The following MDGA2 variants were observed in gnomAD, a reference collection of about 807,000 sequenced individuals.
MDGA2 encodes the protein MAM domain-containing glycosylphosphatidylinositol anchor protein 2.
MDGA2 carries 40 observed loss-of-function variants against 117.8 expected under a neutral mutation model. The ratio of observed to expected loss-of-function variants is 0.34; its 90% CI spans 0.26 to 0.44. The LOEUF is 0.44. MDGA2 is among the 20% of genes least tolerant of loss of function. The probability of loss-of-function intolerance (pLI) is 1.00; values close to 1 mark genes in which losing one functional copy is unlikely to be tolerated. For synonymous variants in MDGA2, 452 were observed against 439.0 expected (o/e 1.03, Z -0.37); for missense variants, 1,123 against 1,250.6 (o/e 0.90, Z 1.54).
chr14:47,441,243 G>T (rs542212105), intron 1 of MDGA2, among the ~76,000 whole-genome samples: 1 of 152,052 alleles, frequency 6.6e-6, no homozygotes, highest in African/African-American at 2.4e-5. Flanking sequence ...AACAAGGGCA[G>T]CTGGTCACGG....
At chr14:47,365,737 C>G (rs9323132) in intron 1 of MDGA2, among the ~76,000 whole-genome samples, 128,179 of 152,140 alleles carry the variant, frequency 0.84, 54,208 homozygotes, top group South Asian at 0.92. Flanking sequence ...GACATTAATA[C>G]GCAGTCTTAG....
chr14:47,389,524 T>C (rs1891840517), intron 1 of MDGA2, among the ~76,000 whole-genome samples: 1 of 151,898 alleles, frequency 6.6e-6, no homozygotes, highest in South Asian at 2.1e-4. Flanking sequence ...AGACAATAAA[T>C]AAATGAAAAA....
chr14:47,186,490 A>G (rs1566671566), intron 3 of MDGA2, among the ~76,000 whole-genome samples: 1 of 151,846 alleles, frequency 6.6e-6, no homozygotes. Context: ...GTAAAATCTA[A>G]CATTTATAGG....
rs1487591358 is a variant in MDGA2, at chr14:46,884,041, T to G, written c.2239-1820A>C. ...CTGGTGCTGATAATATGGCTTAAAA[T>G]TCTATTATTGGGGGTTATCTGTGGC... is the stretch of plus-strand genomic sequence containing the variant. On this transcript the variant is annotated intron_variant, in intron 10 of 16. Transcript: ENST00000399232. The surrounding 1 kb of genome is among the most constrained non-coding windows in gnomAD (Gnocchi z 4.1). 6.6e-6 allele frequency among the ~76,000 whole-genome samples: 1 copy of G among 152,094 alleles called. No homozygotes were observed. The highest frequency in any genetic ancestry group is 2.4e-5 in the African/African-American group (1 of 41,418).
chr14:46,845,021 A>C (rs1232801412), intron 16 of MDGA2, among the ~76,000 whole-genome samples: 2 of 152,128 alleles, frequency 1.3e-5, no homozygotes, highest in Non-Finnish European at 2.9e-5. Context: ...AGCTGGGACT[A>C]CAGGGACTAC....
At position 46,912,325 on chromosome 14, in the gene MDGA2, G is replaced by T. The variant is rs140090343; in HGVS notation, c.2238+7687C>A. Among the ~76,000 whole-genome samples, 877 of 152,130 alleles carry T rather than the reference G, an allele frequency of 5.8e-3. 13 individuals carry two copies. Among genetic ancestry groups the T allele is most frequent in the African/African-American group, 0.019 (787 of 41,484 alleles). On this transcript the variant is annotated intron_variant, in intron 10 of 16. Coordinates refer to ENST00000399232, the MANE Select transcript of MDGA2 (RefSeq NM_001113498.3). ...TACAAATACAAGATTTTTCTACCCT[G>T]CAGTTCGTTTTTGCTGGAAATTCTA...
intron 1 of MDGA2, among the ~76,000 whole-genome samples, chr14:47,461,308 G>A (rs1453092285): frequency 2.9e-5 from 1 of 34,692 alleles, no homozygotes; most frequent in African/African-American, 7.3e-5. Context: ...TATCTACTGT[G>A]AGATGGAAGC....
chr14:46,965,515 C>A (rs887689070), intron 8 of MDGA2, among the ~76,000 whole-genome samples: 2 of 152,078 alleles, frequency 1.3e-5, no homozygotes, highest in African/African-American at 4.8e-5. Context: ...AAAGACTGCC[C>A]ACACTACTTT....
Position 46,934,578 on chromosome 14 carries a change from G to A in MDGA2, c.2090-14418C>T, listed in dbSNP as rs188638314. On this transcript the variant is annotated intron_variant, in intron 9 of 16. Coordinates refer to ENST00000399232, the MANE Select transcript of MDGA2 (RefSeq NM_001113498.3). ...ATCTTACCTCAAAAAGATCCAAATG[G>A]ATATTTTGTCAGAAGGAAGAGAAGT... Among the ~76,000 whole-genome samples the A allele has an allele frequency of 1.5e-3, 230 of 152,130 alleles. 2 individuals carry two copies. Among genetic ancestry groups the A allele is most frequent in the Non-Finnish European group, 2.5e-4 (17 of 67,988 alleles).
intron 1 of MDGA2, among the ~76,000 whole-genome samples, chr14:47,372,767 G>A (rs999439335): frequency 7.2e-5 from 11 of 151,866 alleles, no homozygotes; most frequent in Admixed American, 2.0e-4. Context: ...AATGATTATC[G>A]TAGCTTTGTA....
At position 47,544,109 on chromosome 14, in the gene MDGA2, A is replaced by G. The variant is rs1180798064; in HGVS notation, c.280+130408T>C. Among the ~76,000 whole-genome samples the G allele has an allele frequency of 2.0e-5, 3 of 152,326 alleles. No individual in the cohort carries two copies. The East Asian group carries it at 5.8e-4, about 29-fold the overall frequency. ...AAAGAATTAAAGATAATGTCCACAC[A>G]TTTGAAATATAAAGACTATAGAAAG... On this transcript the variant is annotated intron_variant, in intron 1 of 16. Transcript: ENST00000399232.
At chr14:47,587,583 A>G (rs189234364) in intron 1 of MDGA2, among the ~76,000 whole-genome samples, 35 of 152,030 alleles carry the variant, frequency 2.3e-4, no homozygotes, top group Middle Eastern at 3.4e-3. Flanking sequence ...TCTTCTATAA[A>G]GAAGTCTTTC....
intron 8 of MDGA2, among the ~76,000 whole-genome samples, chr14:47,008,125 C>G (rs976168821): frequency 6.6e-6 from 1 of 151,806 alleles, no homozygotes; most frequent in South Asian, 2.1e-4. Context: ...TAAATATATA[C>G]TGAGTCTCAT....
intron 1 of MDGA2, among the ~76,000 whole-genome samples, chr14:47,523,623 A>G (rs1191555598): frequency 1.3e-5 from 2 of 152,158 alleles, no homozygotes; most frequent in African/African-American, 4.8e-5. Context: ...ATTCAGGGAA[A>G]CAGATGAAGC....
chr14:46,964,341 A>C (rs1885931367), intron 8 of MDGA2, among the ~76,000 whole-genome samples: 1 of 152,220 alleles, frequency 6.6e-6, no homozygotes, highest in Non-Finnish European at 1.5e-5. Flanking sequence ...GTATTGGAGT[A>C]GTTTGTTACA....
chr14:46,866,839 C>G (rs1252477756), intron 14 of MDGA2, among the ~76,000 whole-genome samples: 5 of 152,086 alleles, frequency 3.3e-5, no homozygotes, highest in East Asian at 3.9e-4. Context: ...AAACCACAAT[C>G]AGATACCATC....
intron 9 of MDGA2, among the ~76,000 whole-genome samples, chr14:46,943,335 T>A (rs1249620458): frequency 2.6e-5 from 4 of 152,026 alleles, no homozygotes; most frequent in African/African-American, 9.7e-5. Context: ...CATTTTTTTT[T>A]CTCAGTCCAG....
intron 7 of MDGA2, among the ~76,000 whole-genome samples, chr14:47,050,760 T>C (rs1209881647): frequency 1.3e-5 from 2 of 152,000 alleles, no homozygotes; most frequent in Admixed American, 1.3e-4. Context: ...TGTAGCATGA[T>C]GTTGAATATG....
intron 1 of MDGA2, among the ~76,000 whole-genome samples, chr14:47,518,476 A>G (rs1165848442): frequency 6.6e-6 from 1 of 152,232 alleles, no homozygotes; most frequent in Non-Finnish European, 1.5e-5. Flanking sequence ...AAAACAAAAC[A>G]TTAAGCTTTT....
Sources: allele counts gnomAD v4.1 joint callset (sites outside exome capture counted in the v4.1 genomes callset), GRCh38; gene constraint gnomAD v4.1.1; non-coding constraint Gnocchi (gnomAD v3.1); transcripts MANE v1.5; gene names NCBI Gene and HGNC (gene_info 2026-07-23, HGNC 2026-07-21).